The following ZNF845 variants were observed in gnomAD, a reference collection of about 807,000 sequenced individuals.
The protein encoded by ZNF845 is zinc finger protein 845.
A neutral mutation model predicts 76.1 loss-of-function variants in ZNF845; 59 were observed. The ratio of observed to expected loss-of-function variants is 0.78; its 90% CI spans 0.63 to 0.96. The LOEUF (loss-of-function observed/expected upper bound fraction) is 0.96. Ranked by LOEUF, ZNF845 falls within the 40% of genes least tolerant of loss-of-function variation. The pLI, the probability that ZNF845 is intolerant of heterozygous loss-of-function variation, is 0.00. For missense variants in ZNF845, 1,045 were observed against 1,172.8 expected (o/e 0.89, Z 1.59); for synonymous variants, 361 against 386.9 (o/e 0.93, Z 0.78).
At chr19:53,342,685 A>G (rs555117967) in intron 2 of ZNF845, among the ~76,000 whole-genome samples, 22 of 152,042 alleles carry the variant, frequency 1.4e-4, no homozygotes, top group Non-Finnish European at 2.8e-4. Context: ...TAAAAAATAT[A>G]TATTTATGGT....
Position 53,350,963 on chromosome 19 carries a change from T to G in ZNF845, c.288T>G (p.Asp96Glu). The G allele has an allele frequency of 5.0e-6, 8 of 1,614,148 alleles. No homozygotes were observed. The highest frequency in any genetic ancestry group is 6.8e-6 in the Non-Finnish European group (8 of 1,180,028). ...CFQEMEKDIH[D>E]FEFQWKEDER... is the part of the protein sequence containing the mutation. ...AGGAAATGGAGAAAGATATTCATGA[T>G]TTTGAGTTTCAGTGGAAAGAAGATG... is the stretch of plus-strand genomic sequence containing the variant. Residue 96 changes from aspartate to glutamate, a missense_variant, in exon 4 of 4, where the codon GAT becomes GAG. Asp to Glu is a conservative substitution (Grantham distance 45). Transcript: ENST00000458035.
chr19:53,343,256 T>C (rs1190980772), intron 2 of ZNF845, among the ~76,000 whole-genome samples: 2 of 152,230 alleles, frequency 1.3e-5, no homozygotes, highest in Non-Finnish European at 2.9e-5. Context: ...TGTGAAAATT[T>C]ACATGTTGTC....
chr19:53,345,809 C>A (rs2085292076), intron 3 of ZNF845, among the ~76,000 whole-genome samples, 177 bp downstream of exon 3: 1 of 151,336 alleles, frequency 6.6e-6, no homozygotes, highest in Non-Finnish European at 1.5e-5. Flanking sequence ...CAGCCTCCCC[C>A]AGTAGCTGGT....
intron 1 of ZNF845, among the ~76,000 whole-genome samples, chr19:53,336,137 A>G (rs1406455475): frequency 1.3e-5 from 2 of 149,888 alleles, no homozygotes; most frequent in Non-Finnish European, 3.0e-5. Flanking sequence ...ACTTGAACCC[A>G]GGAGGCGGAG....
chr19:53,351,537 T>G lies in ZNF845; in HGVS notation c.862T>G (p.Cys288Gly), dbSNP rs1375342676. The G allele has an allele frequency of 1.9e-6, 3 of 1,614,178 alleles. No individual in the cohort carries two copies. The highest frequency in any genetic ancestry group is 2.5e-6 in the Non-Finnish European group (3 of 1,180,000). Residue 288 changes from cysteine to glycine, a missense_variant, in exon 4 of 4, where the codon TGC becomes GGC. Physicochemically the swap from Cys to Gly is radical, Grantham distance 159 (BLOSUM62 -3). Coordinates refer to ENST00000458035, the MANE Select transcript of ZNF845 (RefSeq NM_138374.3). Reference protein sequence around the residue: ...KTFSQELTLTCHHRLHTGEKH... With the variant: ...KTFSQELTLTGHHRLHTGEKH... ...CTTCAGTCAGGAGTTAACCCTTACA[T>G]GCCATCATAGACTTCATACTGGAGA...
chr19:53,346,324 T>C, intron 3 of ZNF845: 2 of 411,464 alleles, frequency 4.9e-6, no homozygotes, highest in Admixed American at 2.8e-5. Flanking sequence ...GGAGTCTCAC[T>C]CTGTCGCCAA....
At position 53,352,813 on chromosome 19, in the gene ZNF845, A is replaced by G; in HGVS notation, c.2138A>G (p.His713Arg). ...NSALIIHKAI[H>R]TGEKPYKCNE... Reference sequence around the variant, plus strand: ...GCCCTTATAATTCACAAGGCAATTCATACTGGAGAGAAACCTTACAAGTGT... The same window carrying G: ...GCCCTTATAATTCACAAGGCAATTCGTACTGGAGAGAAACCTTACAAGTGT... The change falls in exon 4 of 4, where the codon CAT becomes CGT. Residue 713 changes from histidine to arginine, a missense_variant. Coordinates refer to ENST00000458035, the MANE Select transcript of ZNF845 (RefSeq NM_138374.3). 6.2e-7 allele frequency: 1 copy of G among 1,614,166 alleles called. No homozygotes were observed. The highest frequency in any genetic ancestry group is 8.5e-7 in the Non-Finnish European group (1 of 1,180,022).
rs774907574 is a variant in ZNF845, at chr19:53,353,839, CTAATG to C, written c.*257_*261del. 64 of 1,385,086 alleles carry C rather than the reference CTAATG, an allele frequency of 4.6e-5. 1 individual carries two copies. In the South Asian group the frequency reaches 8.8e-4, roughly 19 times the overall value. The allele number at this position is 1,385,086 out of a possible 1,614,324, so 85.8% of individuals were successfully genotyped here. A position where few individuals can be genotyped will look rare whatever the true frequency, so the allele number is the denominator to read the frequency against. ...CAATCCATGGTATAGGGAAACTTTA[CTAATG>C]TAATGATTATCACAAAGTCTTCAGT... On this transcript the variant is annotated 3_prime_UTR_variant, in exon 4 of 4. Transcript: ENST00000458035.
intron 1 of ZNF845, among the ~76,000 whole-genome samples, chr19:53,334,178 T>C (rs2085196082): frequency 1.3e-5 from 2 of 152,156 alleles, no homozygotes; most frequent in Admixed American, 6.5e-5. Context: ...TCCAGGCCCT[T>C]ATGCTCCCCA....
chr19:53,336,298 G>A lies in ZNF845; in HGVS notation c.-74+2506G>A, dbSNP rs553626510. On this transcript the variant is annotated intron_variant, in intron 1 of 3. Transcript: ENST00000458035. ...TTTGGGAGCCAATCACCTAAGGTCA[G>A]TAGTTTGAGATCATTCTGGCCAACA... Among the ~76,000 whole-genome samples, 14 of 150,992 alleles carry A rather than the reference G, an allele frequency of 9.3e-5. No individual in the cohort carries two copies. The East Asian group carries it at 2.7e-3, about 29-fold the overall frequency.
intron 1 of ZNF845, among the ~76,000 whole-genome samples, chr19:53,339,333 A>G (rs1207554501): frequency 6.6e-6 from 1 of 152,108 alleles, no homozygotes; most frequent in African/African-American, 2.4e-5. Context: ...CTCTCCACCC[A>G]GCACACACCG....
rs775900559 is a variant in ZNF845 at position 53,350,927 on chromosome 19, T to C, written c.252T>C (p.Asp84=). Residue 84 remains aspartate, a synonymous_variant, in exon 4 of 4, where the codon GAT becomes GAC. Coordinates refer to ENST00000458035, the MANE Select transcript of ZNF845 (RefSeq NM_138374.3). ...GACATGAACGTCATCACATTGGAGA[T>C]TTTTGCTTCCAGGAAATGGAGAAAG... is the stretch of plus-strand genomic sequence containing the variant. The part of the protein sequence containing the change: ...LQRHERHHIG[D]FCFQEMEKDI... 20 of 1,614,098 alleles carry C rather than the reference T, an allele frequency of 1.2e-5. No individual in the cohort carries two copies. The highest frequency in any genetic ancestry group is 5.0e-5 in the Admixed American group (3 of 60,010).
chr19:53,335,847 C>A (rs2085209630), intron 1 of ZNF845, among the ~76,000 whole-genome samples: 1 of 152,116 alleles, frequency 6.6e-6, no homozygotes, highest in African/African-American at 2.4e-5. Context: ...GATGATCCAC[C>A]CGCCTTGGCC....
chr19:53,336,657 GTTTTAC>G (rs2085217184), intron 1 of ZNF845, among the ~76,000 whole-genome samples: 1 of 37,664 alleles, frequency 2.7e-5, no homozygotes, highest in Admixed American at 2.9e-4. Flanking sequence ...TTTTTTTGCA[GTTTTAC>G]TTTGAGATAA....
At chr19:53,333,916 T>G (rs1464754335) in intron 1 of ZNF845, 124 bp downstream of exon 1, 1 of 154,546 alleles carries the variant, frequency 6.5e-6, no homozygotes, top group East Asian at 1.9e-4. Context: ...TAGAGCAAAT[T>G]TAGACGTCCT....
In ZNF845 at chr19:53,352,222, T is replaced by A. The variant is rs1017410855; in HGVS notation, c.1547T>A (p.Ile516Asn). 6.2e-7 allele frequency: 1 copy of A among 1,613,678 alleles called. No homozygotes were observed. Among genetic ancestry groups the A allele is most frequent in the Admixed American group, 1.7e-5 (1 of 59,990 alleles). Residue 516 changes from isoleucine (I) to asparagine (N), a missense_variant, in exon 4 of 4, where the codon ATT (isoleucine) becomes AAT (asparagine). Physicochemically the swap from Ile to Asn is moderately radical, Grantham distance 149 (BLOSUM62 -3). Transcript: ENST00000458035. ...TCAAACCTTGAAAGACATAGGATAATTCATACTGGAGAGAAACTTTACAAG... is the reference window on the plus strand; with the variant it reads ...TCAAACCTTGAAAGACATAGGATAAATCATACTGGAGAGAAACTTTACAAG... Reference protein sequence around the residue: ...FKSNLERHRIIHTGEKLYKCN... With the variant: ...FKSNLERHRINHTGEKLYKCN...
rs1419111546 is a variant in ZNF845 at position 53,352,840 on chromosome 19, A to G, written c.2165A>G (p.Asn722Ser). ...ACTGGAGAGAAACCTTACAAGTGTA[A>G]TGAGTGTGGCAAGGCCTTCAGTCAG... ...IHTGEKPYKCNECGKAFSQKS... is the reference protein window; with the variant it reads ...IHTGEKPYKCSECGKAFSQKS... Residue 722 changes from asparagine (N) to serine (S), a missense_variant, in exon 4 of 4, where the codon AAT becomes AGT. Physicochemically the swap from Asn to Ser is conservative, Grantham distance 46 (BLOSUM62 1). Transcript: ENST00000458035. 1.2e-6 allele frequency: 2 copies of G among 1,613,964 alleles called. No individual in the cohort carries two copies. Among genetic ancestry groups the G allele is most frequent in the Non-Finnish European group, 1.7e-6 (2 of 1,179,958 alleles).
intron 1 of ZNF845, among the ~76,000 whole-genome samples, chr19:53,338,351 T>A (rs1019123183): frequency 3.3e-5 from 5 of 152,126 alleles, no homozygotes; most frequent in Non-Finnish European, 7.4e-5. Flanking sequence ...ACTGCCTCAC[T>A]CCAGCTCCCG....
chr19:53,334,549 T>C (rs1297541971), intron 1 of ZNF845, among the ~76,000 whole-genome samples: 3 of 150,074 alleles, frequency 2.0e-5, no homozygotes, highest in Non-Finnish European at 4.4e-5. Flanking sequence ...AAACAAGAGC[T>C]AGAGAGAGAA....
Sources: gnomAD v4.1 joint callset for allele counts (sites outside exome capture counted in the v4.1 genomes callset) on GRCh38, gnomAD v4.1.1 for gene constraint, MANE v1.5 for transcripts, NCBI Gene and HGNC (gene_info 2026-07-23, HGNC 2026-07-21) for gene names.